Variants in ATIC observed in about 807,000 individuals in gnomAD.
ATIC encodes 5-aminoimidazole-4-carboxamide ribonucleotide formyltransferase/IMP cyclohydrolase.
ATIC carries 64 observed loss-of-function variants against 72.5 expected under a neutral mutation model. That is an observed-to-expected ratio of 0.88 (90% CI 0.72 to 1.09). The LOEUF (loss-of-function observed/expected upper bound fraction) is 1.09. Among genes scored for constraint, ATIC ranks in the 50% least tolerant of loss-of-function variants. The pLI is 0.00. For missense variants in ATIC, 787 were observed against 732.4 expected, an observed-to-expected ratio of 1.07 and a Z score of -0.86; for synonymous variants, 281 against 267.1, an observed-to-expected ratio of 1.05 and a Z score of -0.51.
chr2:215,359,891 C>G, the ATIC span, among the ~76,000 whole-genome samples: 2 of 152,114 alleles, frequency 1.3e-5, no homozygotes, highest in Non-Finnish European at 2.9e-5. Flanking sequence ...TAATTTTTTA[C>G]TAATAATTAT....
intron 13 of ATIC, chr2:215,345,078 G>T (rs1280962350): frequency 1.6e-6 from 1 of 624,482 alleles, no homozygotes; most frequent in Non-Finnish European, 2.9e-6. Context: ...GGTACTCAAA[G>T]TAGTTGTGCT....
At chr2:215,362,795 G>C in the ATIC span, 1 of 152,546 alleles carries the variant, frequency 6.6e-6, no homozygotes, top group East Asian at 1.9e-4. Flanking sequence ...AAGCTGGCAG[G>C]GGGTAAAGCA....
chr2:215,338,843 A>G lies in ATIC; in HGVS notation c.1163A>G (p.Gln388Arg). Residue 388 changes from glutamine to arginine, a missense_variant, in exon 12 of 16, where the codon CAG becomes CGG. Physicochemically the swap from Gln to Arg is conservative, Grantham distance 43. Coordinates refer to ENST00000236959, the MANE Select transcript of ATIC (RefSeq NM_004044.7). ...VRTLFGLHLSQKRNNGVVDKS... is the reference protein window; with the variant it reads ...VRTLFGLHLSRKRNNGVVDKS... ...ACTCTCTTTGGTCTTCATTTAAGCC[A>G]GAAGAGAAATAATGGTGTCGTCGAC... The G allele has an allele frequency of 1.2e-6, 2 of 1,613,960 alleles. No individual in the cohort carries two copies. Among genetic ancestry groups the G allele is most frequent in the Non-Finnish European group, 8.5e-7 (1 of 1,179,886 alleles).
Position 215,326,980 on chromosome 2 carries a change from T to G in ATIC, c.688+2T>G. The G allele has an allele frequency of 6.2e-7, 1 of 1,614,140 alleles. No individual in the cohort carries two copies. Among genetic ancestry groups the G allele is most frequent in the Non-Finnish European group, 8.5e-7 (1 of 1,180,014 alleles). On this transcript the variant is annotated splice_donor_variant, in intron 7 of 15. Coordinates refer to ENST00000236959, the MANE Select transcript of ATIC (RefSeq NM_004044.7). LOFTEE classifies it high-confidence loss of function. ...TGCAGCCCAAGCTTCCCATCACAGG[T>G]AAAGCCCGAGCGTTCTGTGGCATGG...
intron 12 of ATIC, among the ~76,000 whole-genome samples, chr2:215,343,919 C>T (rs1257122475): frequency 1.3e-5 from 2 of 152,050 alleles, no homozygotes; most frequent in African/African-American, 2.4e-5. Context: ...TATTTTTGGG[C>T]GTTATTCTTG....
At chr2:215,357,479 G>C in the ATIC span, among the ~76,000 whole-genome samples, 1 of 152,278 alleles carries the variant, frequency 6.6e-6, no homozygotes, top group African/African-American at 2.4e-5. Context: ...TGTCTCTAAA[G>C]AGTAAGTAAA....
chr2:215,320,190 A>G (rs1224214717), intron 4 of ATIC, among the ~76,000 whole-genome samples: 2 of 152,190 alleles, frequency 1.3e-5, no homozygotes, highest in African/African-American at 2.4e-5. Flanking sequence ...TAACTGAGTT[A>G]TTTGCATAAA....
chr2:215,367,761 G>T, the ATIC span: 1 of 1,159,868 alleles, frequency 8.6e-7, no homozygotes, highest in Non-Finnish European at 1.3e-6. Context: ...CTTCATGTTT[G>T]GAAGAACCTG....
At chr2:215,344,946 G>A (rs766683469) in intron 13 of ATIC, 75 bp downstream of exon 13, 25 of 1,434,746 alleles carry the variant, frequency 1.7e-5, no homozygotes, top group Middle Eastern at 1.7e-4. Flanking sequence ...GTCTGCCTTA[G>A]ATATTGGACA....
the ATIC span, among the ~76,000 whole-genome samples, chr2:215,359,314 A>G: frequency 1.3e-5 from 2 of 152,208 alleles, no homozygotes; most frequent in African/African-American, 2.4e-5. Context: ...CAAGATTCAG[A>G]TGAAGGGCCT....
intron 7 of ATIC, among the ~76,000 whole-genome samples, chr2:215,329,653 A>C (rs2052868161): frequency 6.6e-6 from 1 of 152,080 alleles, no homozygotes. Flanking sequence ...AAAGAAGAAA[A>C]TTCCTATTTA....
intron 12 of ATIC, among the ~76,000 whole-genome samples, chr2:215,344,451 G>C (rs1222923803): frequency 6.6e-6 from 1 of 152,144 alleles, no homozygotes; most frequent in African/African-American, 2.4e-5. Flanking sequence ...GGCACTCTGG[G>C]AGGCTGAGGC....
At chr2:215,315,193 C>T (rs2052695774) in intron 2 of ATIC, among the ~76,000 whole-genome samples, 1 of 152,142 alleles carries the variant, frequency 6.6e-6, no homozygotes, top group African/African-American at 2.4e-5. Context: ...CGTCCAGCTC[C>T]TAGACAGAAA....
intron 2 of ATIC, among the ~76,000 whole-genome samples, chr2:215,314,025 C>G (rs2052683202): frequency 6.6e-6 from 1 of 152,088 alleles, no homozygotes; most frequent in Non-Finnish European, 1.5e-5. Flanking sequence ...ATTATGGAAA[C>G]ATTTCAGACA....
At position 215,346,811 on chromosome 2, in the gene ATIC, C is replaced by G. The variant is rs771700587; in HGVS notation, c.1373C>G (p.Ala458Gly). The G allele has an allele frequency of 1.9e-5, 30 of 1,614,048 alleles. No homozygotes were observed. The South Asian group carries it at 3.2e-4, about 17-fold the overall frequency. Reference protein sequence around the residue: ...QQSRIHCTRLAGDKANYWWLR... With the variant: ...QQSRIHCTRLGGDKANYWWLR... ...TCTCGTATACACTGCACTCGCCTTG[C>G]AGGAGATAAGGCAAACTATTGGTGG... The change falls in exon 14 of 16, where the codon GCA (alanine) becomes GGA (glycine). Residue 458 changes from alanine to glycine, a missense_variant. Ala to Gly is a moderately conservative substitution (Grantham distance 60). Coordinates refer to ENST00000236959, the MANE Select transcript of ATIC (RefSeq NM_004044.7).
downstream of ATIC, among the ~76,000 whole-genome samples, chr2:215,352,321 C>T (rs905322835): frequency 2.6e-5 from 4 of 152,170 alleles, no homozygotes; most frequent in Non-Finnish European, 5.9e-5. Context: ...GTGGTTCACA[C>T]CTGTAATCCC....
chr2:215,365,523 C>G, the ATIC span: 1 of 1,614,102 alleles, frequency 6.2e-7, no homozygotes, highest in Non-Finnish European at 8.5e-7. Flanking sequence ...CACTTGAATT[C>G]TCCTTTTCCG....
At chr2:215,329,627 G>GT (rs1240137742) in intron 7 of ATIC, among the ~76,000 whole-genome samples, 3 of 152,214 alleles carry the variant, frequency 2.0e-5, no homozygotes, top group Admixed American at 6.5e-5. Context: ...TTAATGACTG[G>GT]TTTGCTTATG....
the ATIC span, among the ~76,000 whole-genome samples, chr2:215,357,023 C>G: frequency 6.6e-6 from 1 of 152,182 alleles, no homozygotes; most frequent in Non-Finnish European, 1.5e-5. Context: ...CCCACAGCAG[C>G]CGCACCGTTT....
Sources: gnomAD v4.1 joint callset for allele counts (sites outside exome capture counted in the v4.1 genomes callset) on GRCh38, gnomAD v4.1.1 for gene constraint, MANE v1.5 for transcripts, NCBI Gene and HGNC (gene_info 2026-07-23, HGNC 2026-07-21) for gene names.